Variants in CPE observed in about 807,000 individuals in gnomAD.
CPE encodes the protein carboxypeptidase E.
A neutral mutation model predicts 53.5 loss-of-function variants in CPE; 17 were observed. The ratio of observed to expected loss-of-function variants is 0.32; its 90% CI spans 0.22 to 0.48. The LOEUF is 0.48. CPE is among the 20% of genes least tolerant of loss of function. CPE has a pLI of 0.99. For missense variants in CPE, 524 were observed against 614.7 expected (o/e 0.85, Z 1.56); for synonymous variants, 226 against 228.8 (o/e 0.99, Z 0.11).
chr4:165,464,184 A>G (rs1278967646), intron 1 of CPE, among the ~76,000 whole-genome samples: 1 of 152,204 alleles, frequency 6.6e-6, no homozygotes, highest in Non-Finnish European at 1.5e-5. Context: ...GGGTGAATAC[A>G]GTTCAGTCCA....
intron 1 of CPE, 138 bp from the exon 2 acceptor site, chr4:165,464,252 C>A: frequency 1.5e-6 from 1 of 674,816 alleles, no homozygotes; most frequent in Non-Finnish European, 2.4e-6. Flanking sequence ...ATTTTAATGT[C>A]TACGGTAGAT....
At chr4:165,472,867 C>T (rs968788723) in intron 3 of CPE, among the ~76,000 whole-genome samples, 6 of 152,182 alleles carry the variant, frequency 3.9e-5, no homozygotes, top group African/African-American at 9.7e-5. Flanking sequence ...GTCTCAAGAA[C>T]ATGTTACACT....
intron 1 of CPE, chr4:165,404,220 A>G: frequency 1.3e-6 from 1 of 761,216 alleles, no homozygotes; most frequent in Non-Finnish European, 2.5e-6. Flanking sequence ...CCTCCAAGAC[A>G]AGGTGGGAAG....
At chr4:165,435,625 A>G (rs1054889116) in intron 1 of CPE, among the ~76,000 whole-genome samples, 1 of 152,222 alleles carries the variant, frequency 6.6e-6, no homozygotes, top group Non-Finnish European at 1.5e-5. Context: ...CTGTGATTCC[A>G]TAAAAGATGT....
At chr4:165,459,694 C>A (rs1731964766) in intron 1 of CPE, among the ~76,000 whole-genome samples, 3 of 130,770 alleles carry the variant, frequency 2.3e-5, no homozygotes, top group African/African-American at 3.3e-5. Flanking sequence ...CGGGGCAGAT[C>A]ATGAGGTCAG....
intron 1 of CPE, among the ~76,000 whole-genome samples, chr4:165,422,731 A>G (rs767066791): frequency 1.1e-4 from 17 of 152,104 alleles, no homozygotes; most frequent in Non-Finnish European, 2.2e-4. Context: ...TAATCCCAAC[A>G]CTTTGGGAGG....
rs1442149331 is a variant in CPE at position 165,379,439 on chromosome 4, T to G, written c.218T>G (p.Ile73Ser). The stretch of plus-strand genomic sequence containing the variant: ...TCCGTGTGGCTGCAGTGCACCGCCA[T>G]CAGCAGGATTTACACGGTGGGGCGC... ...LVSVWLQCTA[I>S]SRIYTVGRSF... Residue 73 changes from isoleucine to serine, a missense_variant, in exon 1 of 9, where the codon ATC (isoleucine) becomes AGC (serine). Ile to Ser is a moderately radical substitution (Grantham distance 142). Transcript: ENST00000402744. The surrounding 1 kb of genome is among the most constrained non-coding windows in gnomAD (Gnocchi z 6.0). 3.1e-6 allele frequency: 5 copies of G among 1,610,206 alleles called. No homozygotes were observed. Among genetic ancestry groups the G allele is most frequent in the Non-Finnish European group, 4.2e-6 (5 of 1,178,744 alleles).
rs141333682 is a variant in CPE, at chr4:165,403,947, A to G, written c.307+24419A>G. On this transcript the variant is annotated intron_variant, in intron 1 of 8. Transcript: ENST00000402744. ...GCACTTTAATCAGGGAGCAAACCCA[A>G]TGCCGGAGTTTGTCTTCCTTCTCGT... 1.1e-3 allele frequency: 592 copies of G among 551,466 alleles called. 5 individuals are homozygous for G. Among genetic ancestry groups the G allele is most frequent in the African/African-American group, 9.0e-3 (481 of 53,618 alleles). The allele number at this position is 551,466 out of a possible 1,614,324, so 34.2% of individuals were successfully genotyped here. A position where few individuals can be genotyped will look rare whatever the true frequency, so the allele number is the denominator to read the frequency against.
chr4:165,404,222 G>T, intron 1 of CPE: 2 of 761,454 alleles, frequency 2.6e-6, no homozygotes, highest in South Asian at 2.7e-5. Flanking sequence ...TCCAAGACAA[G>T]GTGGGAAGCT....
At chr4:165,423,755 T>C (rs56347488) in intron 1 of CPE, among the ~76,000 whole-genome samples, 43,949 of 149,690 alleles carry the variant, frequency 0.29, 6,560 homozygotes, top group Middle Eastern at 0.39. Flanking sequence ...AACTCGTCAT[T>C]TAGCATTAGG....
In CPE at chr4:165,388,936, GCCAGATTT is replaced by G. The variant is rs1211105160; in HGVS notation, c.307+9409_307+9416del. On this transcript the variant is annotated intron_variant, in intron 1 of 8. Coordinates refer to ENST00000402744, the MANE Select transcript of CPE (RefSeq NM_001873.4). ...ATTGTGGGAACTCAGTAAATGTTAA[GCCAGATTT>G]TCAACATAACCAGCATCAGGGGAAT... is the stretch of plus-strand genomic sequence containing the variant. Among the ~76,000 whole-genome samples, 15 of 152,206 alleles carry G rather than the reference GCCAGATTT, an allele frequency of 9.9e-5. 2 individuals carry two copies. The highest frequency in any genetic ancestry group is 3.3e-4 in the Admixed American group (5 of 15,288).
Position 165,404,281 on chromosome 4 carries a change from C to A in CPE, c.307+24753C>A, listed in dbSNP as rs887500240. 25 of 769,618 alleles carry A rather than the reference C, an allele frequency of 3.2e-5. 1 individual carries two copies. Among genetic ancestry groups the A allele is most frequent in the African/African-American group, 3.1e-4 (18 of 58,978 alleles). 47.7% of individuals were successfully genotyped at this position (769,618 alleles called of 1,614,324 possible). On this transcript the variant is annotated intron_variant, in intron 1 of 8. Transcript: ENST00000402744. ...CTCCCTCTGCAGGTGTGGCCAAGAT[C>A]CCCTCTTGCGGGCACGTGACTGCCT... is the stretch of plus-strand genomic sequence containing the variant.
intron 1 of CPE, among the ~76,000 whole-genome samples, chr4:165,461,192 G>GAAAGAAAAAGAAAAAGA (rs1318343517): frequency 1.0e-5 from 1 of 97,374 alleles, no homozygotes; most frequent in Non-Finnish European, 2.2e-5. Context: ...AAAAAAGAAA[G>GAAAGAAAAAGAAAAAGA]AAAGAAAAGA....
At chr4:165,477,877 TC>T (rs1732331151) in intron 3 of CPE, among the ~76,000 whole-genome samples, 1 of 152,140 alleles carries the variant, frequency 6.6e-6, no homozygotes, top group Non-Finnish European at 1.5e-5. Context: ...TCGCTCGAGA[TC>T]CATGCTCTCC....
intron 1 of CPE, among the ~76,000 whole-genome samples, chr4:165,391,490 A>C (rs1730679088): frequency 1.3e-5 from 2 of 152,142 alleles, no homozygotes; most frequent in South Asian, 4.1e-4. Flanking sequence ...GGCCCTACTA[A>C]CAACTTGCAG....
In CPE at chr4:165,497,844, A is replaced by G. The variant is rs1157986061; in HGVS notation, c.*234A>G. 2 of 245,704 alleles carry G rather than the reference A, an allele frequency of 8.1e-6. No homozygotes were observed. Among genetic ancestry groups the G allele is most frequent in the African/African-American group, 2.2e-5 (1 of 45,014 alleles). 15.2% of individuals were successfully genotyped at this position (245,704 alleles called of 1,614,324 possible). A position where few individuals can be genotyped will look rare whatever the true frequency, so the allele number is the denominator to read the frequency against. On this transcript the variant is annotated 3_prime_UTR_variant, in exon 9 of 9. Transcript: ENST00000402744. ...TCCTACCTATATTACACAAAAAAGT[A>G]TAGAAAAGATTTAAGTAATTTTGCC...
At chr4:165,395,447 G>A (rs185093553) in intron 1 of CPE, among the ~76,000 whole-genome samples, 6 of 152,228 alleles carry the variant, frequency 3.9e-5, no homozygotes, top group Middle Eastern at 3.4e-3. Context: ...CCTATGCCAA[G>A]GGTCAATGCA....
chr4:165,425,871 T>C (rs1731308820), intron 1 of CPE, among the ~76,000 whole-genome samples: 1 of 152,192 alleles, frequency 6.6e-6, no homozygotes, highest in South Asian at 2.1e-4. Flanking sequence ...CTAAATATCC[T>C]ACAGTGCACC....
intron 1 of CPE, among the ~76,000 whole-genome samples, chr4:165,458,893 TG>T (rs1222805495): frequency 6.6e-6 from 1 of 152,118 alleles, no homozygotes; most frequent in Non-Finnish European, 1.5e-5. Flanking sequence ...TTCATAGGAG[TG>T]GAAGACAATA....
Sources: allele counts gnomAD v4.1 joint callset (sites outside exome capture counted in the v4.1 genomes callset), GRCh38; gene constraint gnomAD v4.1.1; non-coding constraint Gnocchi (gnomAD v3.1); transcripts MANE v1.5; gene names NCBI Gene and HGNC (gene_info 2026-07-23, HGNC 2026-07-21).